KCNK2: variants seen among roughly 807,000 people sequenced by gnomAD.
The protein encoded by KCNK2 is potassium two pore domain channel subfamily K member 2, also known as potassium channel subfamily K member 2.
In KCNK2, 21 loss-of-function variants were observed where a neutral mutation model predicts 40.5. The observed-to-expected ratio is 0.52, with a 90% confidence interval of 0.37 to 0.75. The LOEUF (loss-of-function observed/expected upper bound fraction) is 0.75, where lower values mean the gene tolerates loss of function less well. Ranked by LOEUF, KCNK2 falls within the 30% of genes least tolerant of loss-of-function variation. The pLI is 0.00. For synonymous variants in KCNK2, 191 were observed against 202.2 expected (o/e 0.94, Z 0.47); for missense variants, 399 against 531.6 (o/e 0.75, Z 2.45).
At chr1:215,010,074 A>C (rs760298621) in intron 1 of KCNK2, among the ~76,000 whole-genome samples, 1 of 152,142 alleles carries the variant, frequency 6.6e-6, no homozygotes, top group Non-Finnish European at 1.5e-5. Context: ...CTACCTCTTA[A>C]TAGGAATAGA....
rs185787537 is a variant in KCNK2 at position 215,055,981 on chromosome 1, C to T, written c.35-30387C>T. Among the ~76,000 whole-genome samples, 10 of 152,218 alleles carry T rather than the reference C, an allele frequency of 6.6e-5. No homozygotes were observed. In the East Asian group the frequency reaches 1.4e-3, roughly 21 times the overall value. On this transcript the variant is annotated intron_variant, in intron 1 of 6. Coordinates refer to the KCNK2 transcript ENST00000391895. ...TTAAAAATTTAAAGCCTAAGGTCAC[C>T]TCAAAGATAAATTCATCTGCGTTTC...
intron 2 of KCNK2, among the ~76,000 whole-genome samples, chr1:215,116,279 C>T (rs1452389066): frequency 2.0e-5 from 3 of 151,956 alleles, no homozygotes; most frequent in East Asian, 1.9e-4. Context: ...ACTATTAAAA[C>T]GTGAATATAT....
chr1:215,207,104 C>T (rs924415000), intron 6 of KCNK2, among the ~76,000 whole-genome samples: 3 of 152,164 alleles, frequency 2.0e-5, no homozygotes, highest in Non-Finnish European at 4.4e-5. Context: ...TATGTGCAAA[C>T]ATACTCTCCC....
At chr1:215,176,661 C>A (rs568009577) in intron 5 of KCNK2, among the ~76,000 whole-genome samples, 100 of 152,260 alleles carry the variant, frequency 6.6e-4, no homozygotes, top group African/African-American at 2.3e-3. Context: ...CTGTAAAGGA[C>A]ATCATCCCAT....
At chr1:215,118,962 G>A (rs1661063498) in intron 2 of KCNK2, among the ~76,000 whole-genome samples, 1 of 152,186 alleles carries the variant, frequency 6.6e-6, no homozygotes, top group Middle Eastern at 3.4e-3. Context: ...AAAACATTCT[G>A]TACTGTTTTG....
intron 3 of KCNK2, among the ~76,000 whole-genome samples, chr1:215,142,134 A>G (rs1170384753): frequency 2.6e-5 from 4 of 152,036 alleles, no homozygotes; most frequent in Non-Finnish European, 1.5e-5. Context: ...TTGCAATTGC[A>G]TATTCAGTTT....
intron 6 of KCNK2, among the ~76,000 whole-genome samples, chr1:215,216,216 G>C (rs1665950650): frequency 6.6e-6 from 1 of 151,584 alleles, no homozygotes; most frequent in South Asian, 2.1e-4. Flanking sequence ...TTATTTTCTT[G>C]ATTTCTGAAC....
intron 3 of KCNK2, among the ~76,000 whole-genome samples, chr1:215,131,668 A>C (rs770803512): frequency 5.3e-5 from 8 of 151,930 alleles, no homozygotes; most frequent in Non-Finnish European, 7.4e-5. Context: ...TGAGTGTCAG[A>C]ATGCAAATAA....
intron 6 of KCNK2, among the ~76,000 whole-genome samples, chr1:215,198,714 A>C (rs893385296): frequency 3.3e-5 from 5 of 152,204 alleles, no homozygotes; most frequent in African/African-American, 1.2e-4. Flanking sequence ...AAGAAATAAC[A>C]AAGTTATTTC....
chr1:215,131,005 C>T (rs1571646982), intron 3 of KCNK2, among the ~76,000 whole-genome samples: 2 of 150,874 alleles, frequency 1.3e-5, no homozygotes, highest in Admixed American at 6.6e-5. Flanking sequence ...GGACTACAGG[C>T]GCCCGCCACT....
intron 1 of KCNK2, among the ~76,000 whole-genome samples, chr1:215,051,934 C>T (rs1456329169): frequency 1.3e-5 from 2 of 152,144 alleles, no homozygotes; most frequent in African/African-American, 4.8e-5. Flanking sequence ...AAAGAATATG[C>T]TCACCTGCAA....
chr1:215,188,683 G>C (rs569472697), intron 5 of KCNK2, among the ~76,000 whole-genome samples: 6 of 152,080 alleles, frequency 3.9e-5, no homozygotes, highest in Non-Finnish European at 8.8e-5. Flanking sequence ...CATGTCAAAG[G>C]CCAGGTATTA....
At chr1:215,232,710 C>T (rs1248413402) in intron 6 of KCNK2, among the ~76,000 whole-genome samples, 2 of 152,010 alleles carry the variant, frequency 1.3e-5, no homozygotes, top group African/African-American at 2.4e-5. Flanking sequence ...TTTAAGATAA[C>T]ACAAAAAAGA....
chr1:215,224,434 C>A (rs1451901690), intron 6 of KCNK2, among the ~76,000 whole-genome samples: 1 of 152,062 alleles, frequency 6.6e-6, no homozygotes, highest in East Asian at 1.9e-4. Context: ...TACTGCTCCT[C>A]AAAAATTGGC....
At chr1:215,211,402 G>C (rs1197053739) in intron 6 of KCNK2, among the ~76,000 whole-genome samples, 2 of 151,966 alleles carry the variant, frequency 1.3e-5, no homozygotes, top group African/African-American at 4.8e-5. Context: ...CTTGTCAATG[G>C]GGCCCACCTT....
chr1:215,185,584 G>A (rs141217048), intron 5 of KCNK2, among the ~76,000 whole-genome samples: 137 of 152,290 alleles, frequency 9.0e-4, no homozygotes, highest in Middle Eastern at 3.4e-3. Flanking sequence ...ATTAGCTATT[G>A]AGTGAGTTTC....
Position 215,234,908 on chromosome 1 carries a change from T to C in KCNK2, c.1044T>C (p.Ser348=). 1 of 1,613,834 alleles carries C rather than the reference T, an allele frequency of 6.2e-7. No homozygotes were observed. Among genetic ancestry groups the C allele is most frequent in the Non-Finnish European group, 8.5e-7 (1 of 1,179,930 alleles). Residue 348 remains serine, a synonymous_variant, in exon 7 of 7, where the codon AGT becomes AGC. Coordinates refer to ENST00000444842, the MANE Select transcript of KCNK2 (RefSeq NM_001017425.3). ...AEFKETRRRL[S]VEIYDKFQRA... ...TCAAAGAAACCAGGAGGCGACTGAG[T>C]GTGGAGATTTATGACAAGTTCCAGC...
chr1:215,091,419 C>T (rs762803835), intron 2 of KCNK2, among the ~76,000 whole-genome samples: 18 of 152,170 alleles, frequency 1.2e-4, no homozygotes, highest in South Asian at 6.2e-4. Context: ...AGAGGATACT[C>T]GGAGCTACAG....
chr1:215,029,834 G>C (rs1657123978), intron 1 of KCNK2, among the ~76,000 whole-genome samples: 1 of 151,924 alleles, frequency 6.6e-6, no homozygotes, highest in African/African-American at 2.4e-5. Flanking sequence ...GGACATCTTT[G>C]TTGCTTGCAA....
Sources: allele counts gnomAD v4.1 joint callset (sites outside exome capture counted in the v4.1 genomes callset), GRCh38; gene constraint gnomAD v4.1.1; transcripts MANE v1.5; gene names NCBI Gene and HGNC (gene_info 2026-07-23, HGNC 2026-07-21).